Variants in UTRN observed in about 807,000 individuals in gnomAD.
The protein encoded by UTRN is dystrophin-related protein 1.
Under a neutral mutation model 463.9 loss-of-function variants are expected in UTRN, and 283 were observed. The ratio of observed to expected loss-of-function variants is 0.61; its 90% CI spans 0.55 to 0.67. The LOEUF (loss-of-function observed/expected upper bound fraction) is 0.67, where lower values mean the gene tolerates loss of function less well. Among genes scored for constraint, UTRN ranks in the 30% least tolerant of loss-of-function variants. UTRN has a pLI of 0.00. For synonymous variants in UTRN, 1,442 were observed against 1,431.5 expected (o/e 1.01, Z -0.17); for missense variants, 3,922 against 4,084.3 (o/e 0.96, Z 1.08).
intron 3 of UTRN, among the ~76,000 whole-genome samples, chr6:144,418,142 A>T (rs1784507027): frequency 6.6e-6 from 1 of 152,104 alleles, no homozygotes; most frequent in Non-Finnish European, 1.5e-5. Flanking sequence ...ATGGCCAATA[A>T]GAGGCTTCTT....
intron 53 of UTRN, among the ~76,000 whole-genome samples, chr6:144,718,745 T>C (rs2128707580): frequency 6.6e-6 from 1 of 152,356 alleles, no homozygotes; most frequent in South Asian, 2.1e-4. Context: ...CAAAAATTTA[T>C]TGGCTTTCCG....
Position 144,459,253 on chromosome 6 carries a change from C to T in UTRN, c.2606C>T (p.Pro869Leu). 1 of 1,614,100 alleles carries T rather than the reference C, an allele frequency of 6.2e-7. No individual in the cohort carries two copies. Among genetic ancestry groups the T allele is most frequent in the East Asian group, 2.2e-5 (1 of 44,878 alleles). Residue 869 changes from proline to leucine, a missense_variant, in exon 21 of 75, where the codon CCT (proline) becomes CTT (leucine). By Grantham distance (98) the Pro-to-Leu change is moderately conservative (BLOSUM62 -3). Transcript: ENST00000367545. ...RASCSALMSQ[P>L]SAPDFVQRGF... ...AGCTGCTCGGCCCTGATGTCTCAGCCTTCTGCCCCAGATTTTGTCCAGCGG... is the reference window on the plus strand; with the variant it reads ...AGCTGCTCGGCCCTGATGTCTCAGCTTTCTGCCCCAGATTTTGTCCAGCGG...
chr6:144,424,431 T>G (rs1453146274), intron 6 of UTRN, among the ~76,000 whole-genome samples: 1 of 152,214 alleles, frequency 6.6e-6, no homozygotes, highest in Non-Finnish European at 1.5e-5. Context: ...TCAGTCATAT[T>G]GGATTTAGGG....
chr6:144,481,958 C>G (rs1188219733), intron 26 of UTRN, among the ~76,000 whole-genome samples: 8 of 152,124 alleles, frequency 5.3e-5, no homozygotes, highest in Non-Finnish European at 8.8e-5. Context: ...TCTCGGGAGG[C>G]TGAGGCAGGA....
chr6:144,537,545 T>G (rs1047879995), intron 43 of UTRN, 37 bp from the exon 44 acceptor site: 3 of 1,454,218 alleles, frequency 2.1e-6, no homozygotes, highest in East Asian at 2.8e-5. Context: ...AATTGGACAG[T>G]TTTTCCTCAA....
At chr6:144,448,232 C>T (rs1192735497) in intron 16 of UTRN, among the ~76,000 whole-genome samples, 1 of 152,156 alleles carries the variant, frequency 6.6e-6, no homozygotes, top group African/African-American at 2.4e-5. Context: ...GAAGTATTGA[C>T]ACATGCTACA....
At chr6:144,822,217 C>A (rs981177177) in intron 66 of UTRN, among the ~76,000 whole-genome samples, 29 of 151,892 alleles carry the variant, frequency 1.9e-4, no homozygotes, top group Admixed American at 1.9e-3. Context: ...TTTTTTAAAT[C>A]CCTGTAGACC....
At chr6:144,758,082 G>T in intron 58 of UTRN, 93 bp downstream of exon 58, 2 of 1,075,192 alleles carry the variant, frequency 1.9e-6, no homozygotes, top group Admixed American at 2.4e-5. Flanking sequence ...TTTAAAAATA[G>T]AATTCAGTCC....
chr6:144,823,870 G>A (rs117083546), intron 66 of UTRN, among the ~76,000 whole-genome samples: 4 of 152,304 alleles, frequency 2.6e-5, no homozygotes, highest in East Asian at 3.9e-4. Flanking sequence ...CCTGGTATTG[G>A]TTAAAGGGGA....
At chr6:144,365,053 G>A (rs1779395033) in intron 2 of UTRN, among the ~76,000 whole-genome samples, 1 of 152,152 alleles carries the variant, frequency 6.6e-6, no homozygotes, top group Non-Finnish European at 1.5e-5. Context: ...TGTAACCTAA[G>A]GTACTCACAG....
intron 3 of UTRN, among the ~76,000 whole-genome samples, chr6:144,421,132 G>A (rs1348368341): frequency 3.3e-5 from 5 of 152,068 alleles, no homozygotes; most frequent in South Asian, 2.1e-4. Flanking sequence ...TCAGCCTCCC[G>A]AGTAGTTGGG....
chr6:144,383,783 G>T (rs1017483373), intron 2 of UTRN, among the ~76,000 whole-genome samples: 1 of 152,166 alleles, frequency 6.6e-6, no homozygotes, highest in African/African-American at 2.4e-5. Flanking sequence ...CCAGCAAATA[G>T]TTCTATCTTA....
chr6:144,478,778 T>C (rs1385041004), intron 25 of UTRN, among the ~76,000 whole-genome samples: 1 of 152,162 alleles, frequency 6.6e-6, no homozygotes, highest in Non-Finnish European at 1.5e-5. Flanking sequence ...ACCTGCCAAG[T>C]AGAGGTTGGA....
intron 2 of UTRN, among the ~76,000 whole-genome samples, chr6:144,384,895 G>C (rs1359749790): frequency 6.6e-6 from 1 of 152,126 alleles, no homozygotes; most frequent in African/African-American, 2.4e-5. Flanking sequence ...CTGAGATTCT[G>C]CTTTCAGTTC....
At chr6:144,650,251 G>C (rs112582702) in intron 51 of UTRN, among the ~76,000 whole-genome samples, 1 of 152,148 alleles carries the variant, frequency 6.6e-6, no homozygotes, top group African/African-American at 2.4e-5. Context: ...CCCACAACAC[G>C]TGGGAATTAT....
intron 41 of UTRN, among the ~76,000 whole-genome samples, chr6:144,524,857 G>A (rs554148845): frequency 6.6e-6 from 1 of 152,166 alleles, no homozygotes; most frequent in South Asian, 2.1e-4. Flanking sequence ...ATTACCTGAA[G>A]GTATGTTCCT....
At chr6:144,598,147 GAC>G (rs1803849044) in intron 51 of UTRN, among the ~76,000 whole-genome samples, 1 of 152,206 alleles carries the variant, frequency 6.6e-6, no homozygotes, top group Non-Finnish European at 1.5e-5. Context: ...CATGGCCCAT[GAC>G]ACAGCCCCAG....
rs1295085867 is a variant in UTRN, at chr6:144,803,059, A to G, written c.9269A>G (p.Asn3090Ser). The G allele has an allele frequency of 1.3e-6, 2 of 1,586,196 alleles. No homozygotes were observed. The highest frequency in any genetic ancestry group is 1.7e-6 in the Non-Finnish European group (2 of 1,168,000). The change falls in exon 65 of 75, where the codon AAC (asparagine) becomes AGC (serine). Residue 3090 changes from asparagine (N) to serine (S), a missense_variant. This residue lies in a region of UTRN where 1,309 missense variants were observed against 1,452.6 expected (regional missense o/e 0.90). Coordinates refer to ENST00000367545, the MANE Select transcript of UTRN (RefSeq NM_007124.3). ...AGGTATAGAAGCCTTAAGCATTTTA[A>G]CTATGATGTCTGCCAGAGTTGTTTC... ...GFRYRSLKHF[N>S]YDVCQSCFFS... is the part of the protein sequence containing the mutation.
At chr6:144,359,053 T>C (rs1362942481) in intron 2 of UTRN, among the ~76,000 whole-genome samples, 1 of 152,238 alleles carries the variant, frequency 6.6e-6, no homozygotes, top group Non-Finnish European at 1.5e-5. Context: ...AGTTTACTTC[T>C]AGTTTCAACA....
Sources: allele counts gnomAD v4.1 joint callset (sites outside exome capture counted in the v4.1 genomes callset), GRCh38; gene constraint gnomAD v4.1.1; regional missense constraint gnomAD v4.1.1; transcripts MANE v1.5; gene names NCBI Gene and HGNC (gene_info 2026-07-23, HGNC 2026-07-21).